PTPRT: variants seen among roughly 807,000 people sequenced by gnomAD.
The protein encoded by PTPRT is protein tyrosine phosphatase receptor type T, also known as receptor-type tyrosine-protein phosphatase T.
A neutral mutation model predicts 176.8 loss-of-function variants in PTPRT; 56 were observed. The observed-to-expected ratio is 0.32, with a 90% confidence interval of 0.26 to 0.40. The LOEUF (loss-of-function observed/expected upper bound fraction) is 0.40. Among genes scored for constraint, PTPRT ranks in the 10% least tolerant of loss-of-function variants. PTPRT has a pLI of 1.00. For missense variants in PTPRT, 1,540 were observed against 1,908.2 expected, an observed-to-expected ratio of 0.81 and a Z score of 3.60; for synonymous variants, 783 against 739.0, an observed-to-expected ratio of 1.06 and a Z score of -0.96.
chr20:42,097,547 C>T (rs1985385979), intron 27 of PTPRT, among the ~76,000 whole-genome samples: 1 of 152,178 alleles, frequency 6.6e-6, no homozygotes, highest in Admixed American at 6.5e-5. Flanking sequence ...TCACTGCTGA[C>T]CTCTATTATA....
chr20:42,150,607 CTG>C (rs1238410825), intron 17 of PTPRT, among the ~76,000 whole-genome samples: 1 of 152,224 alleles, frequency 6.6e-6, no homozygotes, highest in Admixed American at 6.5e-5. Context: ...TGCACACTAA[CTG>C]TGTATGCGAG....
intron 1 of PTPRT, among the ~76,000 whole-genome samples, chr20:43,141,139 G>A (rs543830427): frequency 5.7e-4 from 86 of 152,206 alleles, no homozygotes; most frequent in Middle Eastern, 3.4e-3. Context: ...TTAAATTTCC[G>A]TGGCTAACAA....
In PTPRT at chr20:42,756,138, A is replaced by T. The variant is rs571098564; in HGVS notation, c.859+324T>A. 4.5e-4 allele frequency among the ~76,000 whole-genome samples: 69 copies of T among 152,326 alleles called. No individual in the cohort carries two copies. In the South Asian group the frequency reaches 0.014, roughly 32 times the overall value. ...GAACACTGCCACAGCATGCCACCCAAATACAAGGACATTTGTTCATTCTAA... is the reference window on the plus strand; with the variant it reads ...GAACACTGCCACAGCATGCCACCCATATACAAGGACATTTGTTCATTCTAA... On this transcript the variant is annotated intron_variant, in intron 6 of 30. Coordinates refer to ENST00000373187, the MANE Select transcript of PTPRT (RefSeq NM_007050.6).
chr20:42,489,130 T>A (rs1422952994), intron 7 of PTPRT, among the ~76,000 whole-genome samples: 2 of 151,858 alleles, frequency 1.3e-5, no homozygotes, highest in Admixed American at 6.6e-5. Flanking sequence ...CTTTAAGTTT[T>A]AGGGTACATG....
intron 1 of PTPRT, among the ~76,000 whole-genome samples, chr20:43,093,119 A>G (rs559700019): frequency 4.7e-4 from 72 of 152,382 alleles, no homozygotes; most frequent in Admixed American, 7.2e-4. Flanking sequence ...CATAACAAGC[A>G]TGTATTATTT....
chr20:42,594,218 G>A (rs1011473635), intron 7 of PTPRT, among the ~76,000 whole-genome samples: 2 of 152,284 alleles, frequency 1.3e-5, no homozygotes, highest in South Asian at 2.1e-4. Context: ...ACTTTCTGCA[G>A]GGCTGTTGGT....
intron 1 of PTPRT, among the ~76,000 whole-genome samples, chr20:43,120,493 G>A (rs376959876): frequency 3.9e-5 from 6 of 152,270 alleles, no homozygotes; most frequent in East Asian, 3.9e-4. Flanking sequence ...GGATGGTCTC[G>A]ATCTCCTGAC....
intron 11 of PTPRT, among the ~76,000 whole-genome samples, chr20:42,336,918 G>C (rs1266736257): frequency 6.6e-6 from 1 of 152,170 alleles, no homozygotes; most frequent in East Asian, 1.9e-4. Context: ...TGTCTAAAGA[G>C]AGGAGGAGAT....
chr20:42,930,017 T>C (rs1173484183), intron 1 of PTPRT, among the ~76,000 whole-genome samples: 1 of 152,226 alleles, frequency 6.6e-6, no homozygotes, highest in Non-Finnish European at 1.5e-5. Flanking sequence ...CGCCTGGCTG[T>C]AGGCGGCTGC....
intron 1 of PTPRT, among the ~76,000 whole-genome samples, chr20:43,106,143 G>C (rs1416313860): frequency 1.1e-4 from 17 of 152,004 alleles, no homozygotes. Flanking sequence ...ATGAACCAGA[G>C]GTCAAAGGGT....
intron 13 of PTPRT, among the ~76,000 whole-genome samples, chr20:42,249,944 T>A (rs984641591): frequency 1.2e-4 from 18 of 152,186 alleles, no homozygotes; most frequent in Non-Finnish European, 2.5e-4. Context: ...AGCCTTTAAG[T>A]GGGAAGCAGC....
At chr20:42,123,494 T>C (rs1018521634) in intron 19 of PTPRT, among the ~76,000 whole-genome samples, 1 of 152,212 alleles carries the variant, frequency 6.6e-6, no homozygotes, top group East Asian at 1.9e-4. Context: ...GGAGTACCCA[T>C]GGGAATTGAA....
intron 1 of PTPRT, among the ~76,000 whole-genome samples, chr20:43,129,864 C>T (rs1019473684): frequency 6.6e-6 from 1 of 151,836 alleles, no homozygotes; most frequent in East Asian, 1.9e-4. Flanking sequence ...GTGATCCGCC[C>T]GCCTCGGCCT....
intron 11 of PTPRT, among the ~76,000 whole-genome samples, chr20:42,320,757 CA>C (rs138592934): frequency 0.021 from 3,165 of 152,264 alleles, 59 homozygotes; most frequent in Non-Finnish European, 0.034. Context: ...ATTATACCCC[CA>C]GCATTTGTCT....
At chr20:42,253,444 G>A (rs896225013) in intron 13 of PTPRT, among the ~76,000 whole-genome samples, 3 of 152,116 alleles carry the variant, frequency 2.0e-5, no homozygotes, top group African/African-American at 4.8e-5. Flanking sequence ...TCCTTTCCAT[G>A]AGAGTCAGGC....
intron 1 of PTPRT, among the ~76,000 whole-genome samples, chr20:43,087,113 T>C (rs2011629094): frequency 6.6e-6 from 1 of 152,214 alleles, no homozygotes; most frequent in Admixed American, 6.5e-5. Context: ...TTTCTGTCCA[T>C]ACAGTTTTGT....
downstream of PTPRT, among the ~76,000 whole-genome samples, chr20:42,070,455 C>G (rs1377328023): frequency 6.6e-6 from 1 of 151,886 alleles, no homozygotes; most frequent in African/African-American, 2.4e-5. Context: ...GACGGCAGCA[C>G]ATAGGGTGGG....
rs756507270 is a variant in PTPRT, at chr20:42,199,194, G to A, written c.2491+46C>T. ...GGTTCACAGCAGAAGTACTAGGGCT[G>A]AGCTGGACCACGGATGTCCCCTTCC... On this transcript the variant is annotated intron_variant, in intron 16 of 30. Transcript: ENST00000373187. 1.9e-5 allele frequency: 30 copies of A among 1,602,390 alleles called. No homozygotes were observed. In the Admixed American group the frequency reaches 4.9e-4, roughly 26 times the overall value.
chr20:42,885,810 T>G lies in PTPRT; in HGVS notation c.211A>C (p.Thr71Pro). The change falls in exon 2 of 31, where the codon ACA becomes CCA. Residue 71 changes from threonine to proline, a missense_variant. Around this residue, in one of 11 missense-constraint regions of PTPRT, gnomAD observed 116 missense variants for 118.5 expected, o/e 0.98. Transcript: ENST00000373187. ...EKPMLDQAVP[T>P]GSFMMVNSSG... Reference sequence around the variant, plus strand: ...CCAAACATGATGGATCACATACCTGTGGGCACTGCCTGGTCCAGCATTGGT... The same window carrying G: ...CCAAACATGATGGATCACATACCTGGGGGCACTGCCTGGTCCAGCATTGGT... The G allele has an allele frequency of 6.2e-7, 1 of 1,605,094 alleles. No homozygotes were observed. The highest frequency in any genetic ancestry group is 8.5e-7 in the Non-Finnish European group (1 of 1,174,244).
Sources: gnomAD v4.1 joint callset for allele counts (sites outside exome capture counted in the v4.1 genomes callset) on GRCh38, gnomAD v4.1.1 for gene constraint, gnomAD v4.1.1 regional missense constraint, MANE v1.5 for transcripts, NCBI Gene and HGNC (gene_info 2026-07-23, HGNC 2026-07-21) for gene names.